The following FCGR1A variants were observed in gnomAD, a reference collection of about 807,000 sequenced individuals.
FCGR1A encodes high affinity immunoglobulin gamma Fc receptor I.
Under a neutral mutation model 35.0 loss-of-function variants are expected in FCGR1A, and 13 were observed. The ratio of observed to expected loss-of-function variants is 0.37; its 90% CI spans 0.24 to 0.59. FCGR1A has a LOEUF of 0.59. Among genes scored for constraint, FCGR1A ranks in the 20% least tolerant of loss-of-function variants. The pLI, the probability that FCGR1A is intolerant of heterozygous loss-of-function variation, is 0.71. For missense variants in FCGR1A, 227 were observed against 430.0 expected (o/e 0.53, Z 4.17); for synonymous variants, 91 against 164.7 (o/e 0.55, Z 3.43).
At chr1:149,788,324 C>T (rs1553751058) in intron 3 of FCGR1A, 42 bp from the exon 4 acceptor site, 3 of 1,611,894 alleles carry the variant, frequency 1.9e-6, no homozygotes, top group East Asian at 4.5e-5. Context: ...CTCCTTGTAC[C>T]TCCTCCACTG....
intron 5 of FCGR1A, 136 bp downstream of exon 5, chr1:149,790,474 T>A: frequency 6.9e-7 from 1 of 1,450,930 alleles, no homozygotes; most frequent in Non-Finnish European, 9.3e-7. Flanking sequence ...CAAGCAGGCC[T>A]TTCCATCCTT....
intron 3 of FCGR1A, chr1:149,787,126 C>G (rs2091573225): frequency 6.6e-6 from 1 of 152,222 alleles, no homozygotes; most frequent in Admixed American, 6.5e-5. Context: ...GCAGTGCAGT[C>G]TTTCAGCATC....
chr1:149,786,567 T>C (rs2091555886), intron 3 of FCGR1A: 2 of 152,290 alleles, frequency 1.3e-5, no homozygotes, highest in East Asian at 1.9e-4. Flanking sequence ...ATTTAATCAG[T>C]ATATGCTAAG....
At chr1:149,788,159 A>G in intron 3 of FCGR1A, 1 of 773,382 alleles carries the variant, frequency 1.3e-6, no homozygotes, top group South Asian at 1.9e-5. Flanking sequence ...AAGATAAGAA[A>G]GGGCTGTGTA....
At chr1:149,800,587 A>G in the FCGR1A span, among the ~76,000 whole-genome samples, 4 of 141,870 alleles carry the variant, frequency 2.8e-5, no homozygotes, top group African/African-American at 5.3e-5. Context: ...GGGGTTGAAG[A>G]CCAAATATAT....
Position 149,789,713 on chromosome 1 carries a change from G to A in FCGR1A, c.560-341G>A, listed in dbSNP as rs202120743. 3.2e-4 allele frequency among the ~76,000 whole-genome samples: 48 copies of A among 152,254 alleles called. 1 individual carries two copies. In the East Asian group the frequency reaches 4.1e-3, roughly 13 times the overall value. ...ACATGAACCCTATTGTGAATTGTGC[G>A]TGCCTGATGATCTGAGGTGGAACAG... On this transcript the variant is annotated intron_variant, in intron 4 of 5. Transcript: ENST00000369168.
At chr1:149,798,970 TCTTA>T in the FCGR1A span, among the ~76,000 whole-genome samples, 1 of 146,200 alleles carries the variant, frequency 6.8e-6, no homozygotes, top group East Asian at 2.0e-4. Flanking sequence ...ATAACATAAA[TCTTA>T]CTTAGCTTGT....
In FCGR1A at chr1:149,791,156, A is replaced by G. The variant is rs1337381327; in HGVS notation, c.845-81A>G. On this transcript the variant is annotated intron_variant, in intron 5 of 5. Transcript: ENST00000369168. ...GGACAGGCACATCAGGTCTCAGCCAACCTTCCCTTCCAAACATAACTCAGC... is the reference window on the plus strand; with the variant it reads ...GGACAGGCACATCAGGTCTCAGCCAGCCTTCCCTTCCAAACATAACTCAGC... 1.6e-5 allele frequency: 25 copies of G among 1,603,490 alleles called. 1 individual carries two copies. In the East Asian group the frequency reaches 3.9e-4, roughly 25 times the overall value.
the FCGR1A span, among the ~76,000 whole-genome samples, chr1:149,797,342 A>G: frequency 1.3e-5 from 2 of 152,192 alleles, no homozygotes; most frequent in African/African-American, 4.8e-5. Flanking sequence ...TGGAAAAGTC[A>G]ACATTTTGTC....
chr1:149,788,379 G>A lies in FCGR1A; in HGVS notation c.321G>A (p.Leu107=). ...CATATTTTTCAGGCTGGCTACTACTGCAGGTCTCCAGCAGAGTCTTCACGG... is the reference window on the plus strand; with the variant it reads ...CATATTTTTCAGGCTGGCTACTACTACAGGTCTCCAGCAGAGTCTTCACGG... ...QLEIHRGWLL[L]QVSSRVFTEG... Residue 107 remains leucine (L), a synonymous_variant, in exon 4 of 6, where the codon CTG becomes CTA. Coordinates refer to ENST00000369168, the MANE Select transcript of FCGR1A (RefSeq NM_000566.4). 1 of 1,612,932 alleles carries A rather than the reference G, an allele frequency of 6.2e-7. No individual in the cohort carries two copies. Among genetic ancestry groups the A allele is most frequent in the South Asian group, 1.1e-5 (1 of 91,032 alleles).
At position 149,784,135 on chromosome 1, in the gene FCGR1A, C is replaced by A. The variant is rs141593900; in HGVS notation, c.185C>A (p.Ala62Asp). 6.2e-6 allele frequency: 10 copies of A among 1,611,660 alleles called. No individual in the cohort carries two copies. The African/African-American group carries it at 1.1e-4, about 17-fold the overall frequency. ...ACACAGTGGTTTCTCAATGGCACAG[C>A]CACTCAGACCTCGACCCCCAGCTAC... Reference protein sequence around the residue: ...SSTQWFLNGTATQTSTPSYRI... With the variant: ...SSTQWFLNGTDTQTSTPSYRI... The change falls in exon 3 of 6, where the codon GCC (alanine) becomes GAC (aspartate). Residue 62 changes from alanine (A) to aspartate (D), a missense_variant. This residue lies in a region of FCGR1A where 185 missense variants were observed against 306.6 expected (regional missense o/e 0.60). Coordinates refer to ENST00000369168, the MANE Select transcript of FCGR1A (RefSeq NM_000566.4).
intron 3 of FCGR1A, chr1:149,787,368 T>C (rs1162468901): frequency 6.6e-6 from 1 of 152,174 alleles, no homozygotes; most frequent in South Asian, 2.1e-4. Flanking sequence ...AAAAGAAAAG[T>C]AGTTGAAGCA....
intron 4 of FCGR1A, among the ~76,000 whole-genome samples, chr1:149,789,261 C>T (rs1192741358): frequency 1.3e-5 from 2 of 152,066 alleles, no homozygotes; most frequent in African/African-American, 4.8e-5. Flanking sequence ...TGAAATGTGG[C>T]GGGCACCTGT....
At chr1:149,789,270 G>A (rs2091634932) in intron 4 of FCGR1A, among the ~76,000 whole-genome samples, 1 of 152,064 alleles carries the variant, frequency 6.6e-6, no homozygotes, top group African/African-American at 2.4e-5. Flanking sequence ...GCGGGCACCT[G>A]TAGTCCCAGC....
chr1:149,786,394 T>TTA (rs1280613967), intron 3 of FCGR1A: 5 of 152,118 alleles, frequency 3.3e-5, no homozygotes, highest in Non-Finnish European at 7.4e-5. Context: ...TTCACTATAA[T>TTA]ATTAAAGTTT....
intron 3 of FCGR1A, among the ~76,000 whole-genome samples, chr1:149,785,416 T>C (rs1439275609): frequency 7.5e-6 from 1 of 132,750 alleles, no homozygotes; most frequent in African/African-American, 2.8e-5. Flanking sequence ...TCGTTTTTTT[T>C]TTTTTTTTTT....
chr1:149,784,429 T>C (rs1571382870), intron 3 of FCGR1A, among the ~76,000 whole-genome samples, 172 bp downstream of exon 3: 1 of 152,122 alleles, frequency 6.6e-6, no homozygotes, highest in East Asian at 1.9e-4. Flanking sequence ...GCAGGGTCCT[T>C]AAACTGTGTA....
At chr1:149,800,224 A>G in the FCGR1A span, among the ~76,000 whole-genome samples, 1 of 152,228 alleles carries the variant, frequency 6.6e-6, no homozygotes, top group Non-Finnish European at 1.5e-5. Flanking sequence ...TGGAGCTTCC[A>G]TGCACCTCCA....
chr1:149,794,085 G>C (rs1325986932), downstream of FCGR1A: 4 of 514,290 alleles, frequency 7.8e-6, no homozygotes, highest in Non-Finnish European at 1.4e-5. Flanking sequence ...CAGATTCCTC[G>C]GGCTGTAGAG....
Sources: allele counts gnomAD v4.1 joint callset (sites outside exome capture counted in the v4.1 genomes callset), GRCh38; gene constraint gnomAD v4.1.1; regional missense constraint gnomAD v4.1.1; transcripts MANE v1.5; gene names NCBI Gene and HGNC (gene_info 2026-07-23, HGNC 2026-07-21).